Variants in PARD3 observed in about 807,000 individuals in gnomAD.
The protein encoded by PARD3 is partitioning defective 3 homolog.
A neutral mutation model predicts 155.4 loss-of-function variants in PARD3; 75 were observed. The ratio of observed to expected loss-of-function variants is 0.48; its 90% CI spans 0.40 to 0.58. PARD3 has a LOEUF of 0.58. PARD3 is among the 20% of genes least tolerant of loss of function. PARD3 has a pLI of 0.00. For synonymous variants in PARD3, 576 were observed against 610.5 expected (o/e 0.94, Z 0.83); for missense variants, 1,642 against 1,721.7 (o/e 0.95, Z 0.82).
chr10:34,403,448 T>C (rs1589444727), intron 5 of PARD3, among the ~76,000 whole-genome samples: 3 of 152,298 alleles, frequency 2.0e-5, no homozygotes, highest in South Asian at 4.1e-4. Context: ...GCAAGAGTTA[T>C]AGGTTCAAGA....
intron 22 of PARD3, among the ~76,000 whole-genome samples, chr10:34,155,506 C>T (rs1822126): frequency 2.0e-5 from 3 of 152,008 alleles, no homozygotes; most frequent in African/African-American, 4.8e-5. Context: ...TAAACGGCTA[C>T]GTGTTGGTTC....
intron 7 of PARD3, among the ~76,000 whole-genome samples, chr10:34,385,258 T>C (rs1001007594): frequency 1.3e-5 from 2 of 152,200 alleles, no homozygotes; most frequent in Admixed American, 6.5e-5. Context: ...CTCAGCCTCC[T>C]GAGTAGCTGG....
At chr10:34,735,890 C>G (rs2094904749) in intron 1 of PARD3, among the ~76,000 whole-genome samples, 1 of 152,078 alleles carries the variant, frequency 6.6e-6, no homozygotes, top group South Asian at 2.1e-4. Context: ...TGTGTAATGA[C>G]ACTTTTCTTG....
intron 22 of PARD3, among the ~76,000 whole-genome samples, chr10:34,227,826 A>T (rs12766906): frequency 0.031 from 4,080 of 131,994 alleles, 143 homozygotes; most frequent in Non-Finnish European, 0.042. Context: ...GGGAATATAT[A>T]TATATATTCC....
chr10:34,235,802 T>A (rs1953195671), intron 22 of PARD3, among the ~76,000 whole-genome samples: 1 of 152,242 alleles, frequency 6.6e-6, no homozygotes, highest in Non-Finnish European at 1.5e-5. Context: ...TATTTTACAT[T>A]GTACTAAACG....
intron 2 of PARD3, among the ~76,000 whole-genome samples, chr10:34,654,439 A>T (rs1418183355): frequency 1.3e-5 from 2 of 152,242 alleles, no homozygotes; most frequent in Non-Finnish European, 2.9e-5. Context: ...TCAAGCCAAC[A>T]GAATCCAAAC....
chr10:34,606,726 T>C (rs2090486886), intron 2 of PARD3, among the ~76,000 whole-genome samples: 1 of 151,362 alleles, frequency 6.6e-6, no homozygotes, highest in Non-Finnish European at 1.5e-5. Context: ...TCCCAGCACT[T>C]TGGGAGGCCA....
chr10:34,392,833 T>A (rs1842969339), intron 7 of PARD3, among the ~76,000 whole-genome samples: 2 of 152,208 alleles, frequency 1.3e-5, no homozygotes, highest in South Asian at 4.1e-4. Context: ...AAGATATGAA[T>A]AGAAAACAGA....
intron 22 of PARD3, among the ~76,000 whole-genome samples, chr10:34,217,434 GA>G (rs1952055293): frequency 6.6e-6 from 1 of 152,108 alleles, no homozygotes; most frequent in African/African-American, 2.4e-5. Context: ...TATGTATAAG[GA>G]TAAGCTTTTG....
At chr10:34,735,303 CTAGT>C (rs1464804786) in intron 1 of PARD3, among the ~76,000 whole-genome samples, 1 of 152,094 alleles carries the variant, frequency 6.6e-6, no homozygotes, top group Non-Finnish European at 1.5e-5. Flanking sequence ...TGCTATAGCA[CTAGT>C]TATTTACAGC....
chr10:34,449,406 A>G (rs1589617709), intron 5 of PARD3, among the ~76,000 whole-genome samples: 1 of 149,678 alleles, frequency 6.7e-6, no homozygotes, highest in African/African-American at 2.5e-5. Context: ...GTCAATAAAA[A>G]CAACTGAAGC....
intron 20 of PARD3, among the ~76,000 whole-genome samples, chr10:34,303,716 T>TATTC (rs1957267065): frequency 6.6e-6 from 1 of 152,054 alleles, no homozygotes; most frequent in Non-Finnish European, 1.5e-5. Flanking sequence ...GATGCTGAGC[T>TATTC]TGAATAGCCT....
intron 1 of PARD3, among the ~76,000 whole-genome samples, chr10:34,812,481 T>G (rs183585393): frequency 9.8e-5 from 15 of 152,308 alleles, no homozygotes; most frequent in Admixed American, 5.9e-4. Context: ...GTTAAATACA[T>G]ATTAACACTT....
At chr10:34,552,077 C>T (rs1389713260) in intron 2 of PARD3, among the ~76,000 whole-genome samples, 8 of 152,182 alleles carry the variant, frequency 5.3e-5, no homozygotes, top group Admixed American at 4.6e-4. Flanking sequence ...CTATTTCCCA[C>T]TCAGTGCTTC....
chr10:34,481,049 G>A (rs922880063), intron 3 of PARD3, among the ~76,000 whole-genome samples: 7 of 151,974 alleles, frequency 4.6e-5, no homozygotes, highest in Admixed American at 2.6e-4. Context: ...TGATCCACCC[G>A]CCTCAGCCTC....
intron 3 of PARD3, among the ~76,000 whole-genome samples, chr10:34,476,016 G>A (rs1283042846): frequency 1.3e-5 from 2 of 151,906 alleles, no homozygotes; most frequent in African/African-American, 2.4e-5. Context: ...AGCTGGGCGT[G>A]GTGGCTCACG....
intron 2 of PARD3, among the ~76,000 whole-genome samples, chr10:34,649,603 G>A (rs1323382826): frequency 6.6e-6 from 1 of 152,250 alleles, no homozygotes; most frequent in Non-Finnish European, 1.5e-5. Flanking sequence ...GTTGCCCTGG[G>A]TGAGTGAGTG....
intron 22 of PARD3, among the ~76,000 whole-genome samples, chr10:34,239,702 C>G (rs1486746258): frequency 6.6e-6 from 1 of 151,516 alleles, no homozygotes; most frequent in Non-Finnish European, 1.5e-5. Flanking sequence ...ACTCAGGAGA[C>G]TGCGACAAGA....
At chr10:34,422,295 C>T (rs988403435) in intron 5 of PARD3, among the ~76,000 whole-genome samples, 6 of 152,046 alleles carry the variant, frequency 3.9e-5, no homozygotes, top group African/African-American at 1.2e-4. Flanking sequence ...ATAATGCTAA[C>T]GTCTACCCCA....
Sources: gnomAD v4.1 joint callset for allele counts (sites outside exome capture counted in the v4.1 genomes callset) on GRCh38, gnomAD v4.1.1 for gene constraint, MANE v1.5 for transcripts, NCBI Gene and HGNC (gene_info 2026-07-23, HGNC 2026-07-21) for gene names.